Variants in PLXNA2 observed in about 807,000 individuals in gnomAD.
The protein encoded by PLXNA2 is plexin A2, also known as plexin-A2.
In PLXNA2, 91 loss-of-function variants were observed where a neutral mutation model predicts 193.5. That is an observed-to-expected ratio of 0.47 (90% CI 0.40 to 0.56). PLXNA2 has a LOEUF of 0.56. Ranked by LOEUF, PLXNA2 falls within the 20% of genes least tolerant of loss-of-function variation. The pLI, the probability that PLXNA2 is intolerant of heterozygous loss-of-function variation, is 0.00. For missense variants in PLXNA2, 1,995 were observed against 2,503.2 expected (o/e 0.80, Z 4.33); for synonymous variants, 997 against 1,027.3 (o/e 0.97, Z 0.56).
At chr1:208,068,799 T>C (rs753100725) in intron 12 of PLXNA2, among the ~76,000 whole-genome samples, 11 of 152,256 alleles carry the variant, frequency 7.2e-5, no homozygotes, top group Non-Finnish European at 1.3e-4. Context: ...TCCCCCACTT[T>C]AGGCACCTTT....
intron 3 of PLXNA2, among the ~76,000 whole-genome samples, chr1:208,172,507 TG>T (rs905945160): frequency 1.3e-5 from 2 of 152,152 alleles, no homozygotes; most frequent in African/African-American, 4.8e-5. Context: ...AGATGACACC[TG>T]GGGGTCACAA....
Position 208,026,646 on chromosome 1 carries a change from CTT to C in PLXNA2, c.*595_*596del, listed in dbSNP as rs1194662987. On this transcript the variant is annotated 3_prime_UTR_variant, in exon 32 of 32. Transcript: ENST00000367033. ...TTGTGCTCATCATTCTTCTTCTCCTCTTTCTCTTTTTTTTTTTTTTTTTAATT... is the reference window on the plus strand; with the variant it reads ...TTGTGCTCATCATTCTTCTTCTCCTCTCTCTTTTTTTTTTTTTTTTTAATT... 4.4e-5 allele frequency: 3 copies of C among 68,282 alleles called. No individual in the cohort carries two copies. Among genetic ancestry groups the C allele is most frequent in the African/African-American group, 8.9e-5 (2 of 22,570 alleles). The allele number at this position is 68,282 out of a possible 1,614,324, so 4.2% of individuals were successfully genotyped here.
chr1:208,137,578 C>T (rs1668341512), intron 4 of PLXNA2, among the ~76,000 whole-genome samples: 1 of 152,138 alleles, frequency 6.6e-6, no homozygotes, highest in African/African-American at 2.4e-5. Flanking sequence ...GTCAGTGAAG[C>T]TGGGGCAGAC....
Position 208,098,704 on chromosome 1 carries a change from C to A in PLXNA2, c.1731+142G>T, listed in dbSNP as rs377482177. 73 of 902,470 alleles carry A rather than the reference C, an allele frequency of 8.1e-5. No homozygotes were observed. The Middle Eastern group carries it at 9.9e-4, about 12-fold the overall frequency. 55.9% of individuals were successfully genotyped at this position (902,470 alleles called of 1,614,324 possible). A position where few individuals can be genotyped will look rare whatever the true frequency, so the allele number is the denominator to read the frequency against. On this transcript the variant is annotated intron_variant, in intron 6 of 31. Transcript: ENST00000367033. ...GCCCTTTACAATAGGCATTGCCATA[C>A]GTTTGCTATAAACATAAAGTCTCCT... is the stretch of plus-strand genomic sequence containing the variant.
In PLXNA2 at chr1:208,084,536, G is replaced by C. The variant is rs1414442642; in HGVS notation, c.2142C>G (p.Val714=). The stretch of plus-strand genomic sequence containing the variant: ...TAAGGGTGATTGGCTTTACCTCCCC[G>C]ACTGGAATCAAGATCTCCTCTGTGG... The part of the protein sequence containing the change: ...LVPTEEILIP[V]GEVKPITLKA... The change falls in exon 10 of 32, where the codon GTC becomes GTG. Residue 714 remains valine, a synonymous_variant. Transcript: ENST00000367033. The C allele has an allele frequency of 1.9e-6, 3 of 1,614,210 alleles. No homozygotes were observed. In the East Asian group the frequency reaches 6.7e-5, roughly 36 times the overall value.
intron 29 of PLXNA2, chr1:208,031,275 TCTC>T (rs947440860): frequency 8.4e-7 from 1 of 1,193,056 alleles, no homozygotes; most frequent in Admixed American, 4.1e-5. Context: ...CCAGCTCCCT[TCTC>T]CTGAGAACCA....
intron 3 of PLXNA2, among the ~76,000 whole-genome samples, chr1:208,159,048 C>G (rs1669024085): frequency 6.6e-6 from 1 of 152,214 alleles, no homozygotes; most frequent in Non-Finnish European, 1.5e-5. Flanking sequence ...CACAGGCTAG[C>G]TGGGCGATGG....
intron 6 of PLXNA2, among the ~76,000 whole-genome samples, chr1:208,098,137 A>T (rs1385213443): frequency 6.6e-6 from 1 of 151,978 alleles, no homozygotes; most frequent in Non-Finnish European, 1.5e-5. Context: ...TTTCGTTTCC[A>T]TGGGGCCAAG....
At chr1:208,120,988 C>T (rs143752800) in intron 4 of PLXNA2, among the ~76,000 whole-genome samples, 8 of 152,176 alleles carry the variant, frequency 5.3e-5, no homozygotes, top group Non-Finnish European at 8.8e-5. Flanking sequence ...CTGGGGCCAG[C>T]GAAGGACACA....
At chr1:208,151,272 C>T (rs1668755280) in intron 3 of PLXNA2, among the ~76,000 whole-genome samples, 1 of 152,146 alleles carries the variant, frequency 6.6e-6, no homozygotes, top group Non-Finnish European at 1.5e-5. Context: ...TTTGTTTACC[C>T]CAAGTTCTAG....
rs375270298 is a variant in PLXNA2 at position 208,079,230 on chromosome 1, C to G, written c.2586+30G>C. On this transcript the variant is annotated intron_variant, in intron 12 of 31. Coordinates refer to ENST00000367033, the MANE Select transcript of PLXNA2 (RefSeq NM_025179.4). Reference sequence around the variant, plus strand: ...TCTTGGGGTCAGCTCTTGGCCACCCCTTCCTGCTCTAGAGACTTGCAGGAC... The same window carrying G: ...TCTTGGGGTCAGCTCTTGGCCACCCGTTCCTGCTCTAGAGACTTGCAGGAC... 41 of 1,577,384 alleles carry G rather than the reference C, an allele frequency of 2.6e-5. 1 individual carries two copies. The African/African-American group carries it at 4.2e-4, about 16-fold the overall frequency.
At chr1:208,119,803 T>C (rs1200516501) in intron 4 of PLXNA2, among the ~76,000 whole-genome samples, 1 of 152,112 alleles carries the variant, frequency 6.6e-6, no homozygotes, top group Non-Finnish European at 1.5e-5. Flanking sequence ...TTAGTAGAGA[T>C]GGGGTTTCAC....
chr1:208,024,341 G>A lies in PLXNA2; in HGVS notation c.*2902C>T, dbSNP rs1158750862. 2 of 152,254 alleles carry A rather than the reference G, an allele frequency of 1.3e-5. No individual in the cohort carries two copies. The highest frequency in any genetic ancestry group is 4.8e-5 in the African/African-American group (2 of 41,448). The allele number at this position is 152,254 out of a possible 1,614,324, so 9.4% of individuals were successfully genotyped here. ...CAACTCCCTCTTTTTCTCATCCAAAGGGTGTGGACTTCATTGGTTCTTGGT... is the reference window on the plus strand; with the variant it reads ...CAACTCCCTCTTTTTCTCATCCAAAAGGTGTGGACTTCATTGGTTCTTGGT... On this transcript the variant is annotated 3_prime_UTR_variant, in exon 32 of 32. Coordinates refer to ENST00000367033, the MANE Select transcript of PLXNA2 (RefSeq NM_025179.4).
At chr1:208,118,117 T>G (rs1667695026) in intron 4 of PLXNA2, among the ~76,000 whole-genome samples, 1 of 152,208 alleles carries the variant, frequency 6.6e-6, no homozygotes, top group Non-Finnish European at 1.5e-5. Context: ...GGACTGCTGT[T>G]CCTCACTAGC....
At chr1:208,220,436 A>G (rs910557478) in intron 1 of PLXNA2, among the ~76,000 whole-genome samples, 2 of 151,592 alleles carry the variant, frequency 1.3e-5, no homozygotes, top group African/African-American at 2.4e-5. Flanking sequence ...AGTTTTTGTT[A>G]TTATTATTAT....
intron 12 of PLXNA2, 95 bp downstream of exon 12, chr1:208,079,165 A>C: frequency 9.2e-7 from 1 of 1,089,698 alleles, no homozygotes; most frequent in South Asian, 1.6e-5. Context: ...TACGCCAATA[A>C]TTTGTCCACA....
chr1:208,058,476 C>T (rs565596446), intron 13 of PLXNA2, among the ~76,000 whole-genome samples: 1 of 152,352 alleles, frequency 6.6e-6, no homozygotes, highest in African/African-American at 2.4e-5. Context: ...TAGCCAAATT[C>T]ATCTCTCACA....
chr1:208,176,990 T>C (rs1572000112), intron 3 of PLXNA2, among the ~76,000 whole-genome samples: 1 of 146,438 alleles, frequency 6.8e-6, no homozygotes, highest in East Asian at 2.0e-4. Flanking sequence ...GGGAATGGCC[T>C]TTTGCCTCTT....
chr1:208,027,142 A>G lies in PLXNA2; in HGVS notation c.*101T>C. On this transcript the variant is annotated 3_prime_UTR_variant, in exon 32 of 32. Transcript: ENST00000367033. ...CCAGGATGGGGTCTCAGGGGACAGCAAGCTCTGGGGCCTGATCCCCATCAC... is the reference window on the plus strand; with the variant it reads ...CCAGGATGGGGTCTCAGGGGACAGCGAGCTCTGGGGCCTGATCCCCATCAC... 9.2e-7 allele frequency: 1 copy of G among 1,090,842 alleles called. No homozygotes were observed. Among genetic ancestry groups the G allele is most frequent in the Non-Finnish European group, 1.4e-6 (1 of 728,734 alleles). 67.6% of individuals were successfully genotyped at this position (1,090,842 alleles called of 1,614,324 possible). A position where few individuals can be genotyped will look rare whatever the true frequency, so the allele number is the denominator to read the frequency against.
Sources: gnomAD v4.1 joint callset for allele counts (sites outside exome capture counted in the v4.1 genomes callset) on GRCh38, gnomAD v4.1.1 for gene constraint, MANE v1.5 for transcripts, NCBI Gene and HGNC (gene_info 2026-07-23, HGNC 2026-07-21) for gene names.